The following SOX6 variants were observed in gnomAD, a reference collection of about 807,000 sequenced individuals.
The protein encoded by SOX6 is transcription factor SOX-6.
SOX6 carries 11 observed loss-of-function variants against 97.8 expected under a neutral mutation model. The ratio of observed to expected loss-of-function variants is 0.11; its 90% CI spans 0.07 to 0.19. The LOEUF (loss-of-function observed/expected upper bound fraction) is 0.19, where lower values mean the gene tolerates loss of function less well. SOX6 is among the 10% of genes least tolerant of loss of function. The pLI is 1.00. For missense variants in SOX6, 810 were observed against 1,039.5 expected (o/e 0.78, Z 3.04); for synonymous variants, 360 against 371.4 (o/e 0.97, Z 0.35).
At chr11:16,110,067 C>T (rs992471932) in intron 7 of SOX6, among the ~76,000 whole-genome samples, 10 of 152,112 alleles carry the variant, frequency 6.6e-5, no homozygotes, top group African/African-American at 2.4e-4. Context: ...GAAAAATGGT[C>T]TAAAATCACT....
At chr11:16,004,833 G>T (rs952715332) in intron 13 of SOX6, among the ~76,000 whole-genome samples, 2 of 152,032 alleles carry the variant, frequency 1.3e-5, no homozygotes, top group African/African-American at 4.8e-5. Context: ...TTGTTGATCT[G>T]ATCTTTCCTA....
chr11:16,256,610 G>T (rs1853696385), intron 3 of SOX6, among the ~76,000 whole-genome samples: 1 of 151,972 alleles, frequency 6.6e-6, no homozygotes, highest in Non-Finnish European at 1.5e-5. Context: ...ATGTAATGGT[G>T]AGAAACTCAA....
chr11:16,429,956 A>C (rs540422676), intron 1 of SOX6, among the ~76,000 whole-genome samples: 8 of 152,262 alleles, frequency 5.3e-5, no homozygotes, highest in South Asian at 2.1e-4. Flanking sequence ...AAGTCACTTC[A>C]CTTCGGTATG....
intron 3 of SOX6, among the ~76,000 whole-genome samples, chr11:16,626,914 A>G (rs1848631134): frequency 6.6e-6 from 1 of 152,194 alleles, no homozygotes; most frequent in African/African-American, 2.4e-5. Flanking sequence ...GGTACAAATT[A>G]TCCCATCACC....
At chr11:16,004,449 T>C (rs980514330) in intron 13 of SOX6, among the ~76,000 whole-genome samples, 1 of 152,070 alleles carries the variant, frequency 6.6e-6, no homozygotes, top group Non-Finnish European at 1.5e-5. Flanking sequence ...GGGGAATCTG[T>C]ATTTCATTAG....
At chr11:16,452,411 C>A (rs2133097527) in intron 1 of SOX6, among the ~76,000 whole-genome samples, 1 of 151,998 alleles carries the variant, frequency 6.6e-6, no homozygotes, top group South Asian at 2.1e-4. Flanking sequence ...GATTCATGTT[C>A]AAAAAAACTA....
At position 16,212,353 on chromosome 11, in the gene SOX6, A is replaced by T. The variant is rs546522611; in HGVS notation, c.535+22229T>A. Among the ~76,000 whole-genome samples, 3 of 152,252 alleles carry T rather than the reference A, an allele frequency of 2.0e-5. No individual in the cohort carries two copies. In the South Asian group the frequency reaches 6.2e-4, roughly 32 times the overall value. ...TCAATGAATATTTTTATACTATTAC[A>T]TACATATGAGTTTATAAGAAAATAT... On this transcript the variant is annotated intron_variant, in intron 4 of 15. Transcript: ENST00000683767.
At chr11:16,178,139 T>A (rs539871520) in intron 6 of SOX6, among the ~76,000 whole-genome samples, 62 of 152,100 alleles carry the variant, frequency 4.1e-4, no homozygotes, top group African/African-American at 1.4e-3. Context: ...GCTCTTGGGA[T>A]CTGGTCAGTT....
intron 4 of SOX6, among the ~76,000 whole-genome samples, chr11:16,568,858 C>T (rs1265071683): frequency 1.3e-5 from 2 of 152,166 alleles, no homozygotes; most frequent in Non-Finnish European, 2.9e-5. Context: ...GCATCTTTCA[C>T]TTCTACCTTT....
intron 1 of SOX6, among the ~76,000 whole-genome samples, chr11:16,383,204 G>C (rs1223986853): frequency 6.6e-6 from 1 of 151,844 alleles, no homozygotes; most frequent in Non-Finnish European, 1.5e-5. Context: ...TAAATATTGA[G>C]TTCCTTAGAC....
At chr11:16,132,401 AAAAG>A (rs1321127213) in intron 6 of SOX6, among the ~76,000 whole-genome samples, 498 of 43,688 alleles carry the variant, frequency 0.011, 29 homozygotes, top group Non-Finnish European at 0.013. Context: ...AAAGAAAGAA[AAAAG>A]AAAGAAAGAA....
intron 2 of SOX6, among the ~76,000 whole-genome samples, chr11:16,330,824 T>A (rs1032462725): frequency 1.3e-5 from 2 of 152,142 alleles, no homozygotes; most frequent in Non-Finnish European, 2.9e-5. Flanking sequence ...AGATATAAAG[T>A]GACTTCCCTA....
intron 1 of SOX6, among the ~76,000 whole-genome samples, chr11:16,393,218 A>C (rs538501525): frequency 5.9e-5 from 9 of 152,170 alleles, no homozygotes; most frequent in Non-Finnish European, 1.0e-4. Context: ...TTTCAGAATA[A>C]ACATGCTTCA....
At position 16,254,465 on chromosome 11, in the gene SOX6, A is replaced by G. The variant is rs556290982; in HGVS notation, c.446-19794T>C. Among the ~76,000 whole-genome samples, 239 of 152,184 alleles carry G rather than the reference A, an allele frequency of 1.6e-3. 1 individual carries two copies. The highest frequency in any genetic ancestry group is 5.4e-3 in the African/African-American group (224 of 41,578). On this transcript the variant is annotated intron_variant, in intron 3 of 15. Coordinates refer to ENST00000683767, the MANE Select transcript of SOX6 (RefSeq NM_001367873.1). Reference sequence around the variant, plus strand: ...GCTTATGTATATGTGAAGGAATGACAGCAGTAATACAAGGGATGGGATAGA... The same window carrying G: ...GCTTATGTATATGTGAAGGAATGACGGCAGTAATACAAGGGATGGGATAGA...
chr11:16,094,007 G>C (rs899983022), intron 9 of SOX6, among the ~76,000 whole-genome samples: 1 of 151,932 alleles, frequency 6.6e-6, no homozygotes, highest in African/African-American at 2.4e-5. Context: ...ACAGATCAAA[G>C]GTTTCCTGAC....
chr11:16,191,264 G>A (rs117775737), intron 4 of SOX6, among the ~76,000 whole-genome samples: 120 of 152,142 alleles, frequency 7.9e-4, no homozygotes, highest in Admixed American at 2.1e-3. Context: ...AGAACTACAT[G>A]GGCAACATAG....
chr11:16,099,247 A>T (rs1188785730), intron 7 of SOX6, among the ~76,000 whole-genome samples: 1 of 151,834 alleles, frequency 6.6e-6, no homozygotes, highest in Non-Finnish European at 1.5e-5. Flanking sequence ...GAGCTTTTTA[A>T]AAAAGATAAC....
intron 3 of SOX6, among the ~76,000 whole-genome samples, chr11:16,258,058 A>G (rs1020255825): frequency 6.6e-6 from 1 of 152,022 alleles, no homozygotes; most frequent in African/African-American, 2.4e-5. Flanking sequence ...AAATACTGAT[A>G]ATACCAAATG....
chr11:16,624,591 A>G (rs1390635766), intron 3 of SOX6, among the ~76,000 whole-genome samples: 1 of 152,228 alleles, frequency 6.6e-6, no homozygotes, highest in African/African-American at 2.4e-5. Context: ...TAAAACTGCT[A>G]TAAACATTCT....
Sources: gnomAD v4.1 joint callset for allele counts (sites outside exome capture counted in the v4.1 genomes callset) on GRCh38, gnomAD v4.1.1 for gene constraint, MANE v1.5 for transcripts, NCBI Gene and HGNC (gene_info 2026-07-23, HGNC 2026-07-21) for gene names.